KAZN: variants seen among roughly 807,000 people sequenced by gnomAD.
The protein encoded by KAZN is kazrin.
KAZN carries 40 observed loss-of-function variants against 87.4 expected under a neutral mutation model. The ratio of observed to expected loss-of-function variants is 0.46; its 90% CI spans 0.36 to 0.60. The LOEUF (loss-of-function observed/expected upper bound fraction) is 0.60, where lower values mean the gene tolerates loss of function less well. Ranked by LOEUF, KAZN falls within the 20% of genes least tolerant of loss-of-function variation. KAZN has a pLI of 0.00. For missense variants in KAZN, 898 were observed against 1,073.9 expected (o/e 0.84, Z 2.29); for synonymous variants, 466 against 458.3 (o/e 1.02, Z -0.22).
intron 1 of KAZN, among the ~76,000 whole-genome samples, chr1:14,167,353 G>A (rs1406334888): frequency 1.3e-5 from 2 of 152,202 alleles, no homozygotes; most frequent in Admixed American, 6.5e-5. Context: ...CACTGGAAGA[G>A]AGCACAAGCA....
At chr1:14,303,918 C>T (rs749671234) in intron 2 of KAZN, among the ~76,000 whole-genome samples, 40 of 152,250 alleles carry the variant, frequency 2.6e-4, no homozygotes, top group Non-Finnish European at 4.3e-4. Context: ...CTCTCCAGTG[C>T]GTCATTTATC....
chr1:14,795,250 C>T (rs984251735), intron 1 of KAZN, among the ~76,000 whole-genome samples: 1 of 152,118 alleles, frequency 6.6e-6, no homozygotes, highest in Non-Finnish European at 1.5e-5. Flanking sequence ...CTTTAGGACC[C>T]TGACTAATAC....
intron 1 of KAZN, among the ~76,000 whole-genome samples, chr1:14,765,409 A>C (rs1363840752): frequency 6.6e-6 from 1 of 152,058 alleles, no homozygotes; most frequent in Non-Finnish European, 1.5e-5. Flanking sequence ...GTGTTGTCTT[A>C]CTCTGGGGAA....
At chr1:14,149,527 G>C (rs1645429410) in intron 1 of KAZN, among the ~76,000 whole-genome samples, 1 of 152,106 alleles carries the variant, frequency 6.6e-6, no homozygotes, top group Non-Finnish European at 1.5e-5. Flanking sequence ...CTTGAGCTCA[G>C]TTCCTCCCAT....
chr1:14,454,992 C>G (rs79739029), intron 2 of KAZN, among the ~76,000 whole-genome samples: 2,190 of 152,240 alleles, frequency 0.014, 26 homozygotes, highest in African/African-American at 0.036. Flanking sequence ...AAGCAGGAAG[C>G]CTCCATTCCT....
At chr1:14,502,455 C>A (rs1161675818) in intron 2 of KAZN, among the ~76,000 whole-genome samples, 1 of 152,240 alleles carries the variant, frequency 6.6e-6, no homozygotes, top group East Asian at 1.9e-4. Context: ...TTCTCAATTT[C>A]TGGGTTTTTT....
chr1:14,286,256 G>A (rs1653246216), intron 2 of KAZN, among the ~76,000 whole-genome samples: 1 of 152,242 alleles, frequency 6.6e-6, no homozygotes, highest in Non-Finnish European at 1.5e-5. Context: ...CACTTCTTCT[G>A]TGTGTTTCTG....
chr1:14,475,049 T>C (rs1668644452), intron 2 of KAZN, among the ~76,000 whole-genome samples: 1 of 151,794 alleles, frequency 6.6e-6, no homozygotes, highest in South Asian at 2.1e-4. Context: ...AGATGGATAT[T>C]GGATGGATGG....
At chr1:14,988,435 C>T (rs578019920) in intron 2 of KAZN, among the ~76,000 whole-genome samples, 4 of 152,242 alleles carry the variant, frequency 2.6e-5, no homozygotes, top group Admixed American at 1.3e-4. Flanking sequence ...GAATGAGGGC[C>T]GCCTGGCAGC....
Position 14,205,884 on chromosome 1 carries a change from C to CAAAAAAAAAAAAAAAAAAAA in KAZN, c.249+25295_249+25314dup, listed in dbSNP as rs70997121. Among the ~76,000 whole-genome samples, 40 of 35,210 alleles carry CAAAAAAAAAAAAAAAAAAAA rather than the reference C, an allele frequency of 1.1e-3. 12 individuals are homozygous for CAAAAAAAAAAAAAAAAAAAA. Among genetic ancestry groups the CAAAAAAAAAAAAAAAAAAAA allele is most frequent in the African/African-American group, 2.2e-3 (16 of 7,220 alleles). 23.1% of individuals were successfully genotyped at this position (35,210 alleles called of 152,430 possible). A position where few individuals can be genotyped will look rare whatever the true frequency, so the allele number is the denominator to read the frequency against. On this transcript the variant is annotated intron_variant, in intron 2 of 16. Transcript: ENST00000636203. The stretch of plus-strand genomic sequence containing the variant: ...CAGGCGACAGAGCAAGACACTGTCT[C>CAAAAAAAAAAAAAAAAAAAA]AAAAAAAAAAAAAAAAAAAAAAGCT...
At position 14,450,291 on chromosome 1, in the gene KAZN, T is replaced by C. The variant is rs1667200501; in HGVS notation, c.250-148692T>C. Among the ~76,000 whole-genome samples the C allele has an allele frequency of 1.3e-5, 2 of 152,156 alleles. 1 individual carries two copies. The highest frequency in any genetic ancestry group is 2.9e-5 in the Non-Finnish European group (2 of 68,028). On this transcript the variant is annotated intron_variant, in intron 2 of 16. Transcript: ENST00000636203. Reference sequence around the variant, plus strand: ...ATAAGCTAGCACAGGGCACCTGATATAAACAGAGCTGCTGTGTCTGGGCGC... The same window carrying C: ...ATAAGCTAGCACAGGGCACCTGATACAAACAGAGCTGCTGTGTCTGGGCGC...
intron 2 of KAZN, among the ~76,000 whole-genome samples, chr1:14,445,868 A>C (rs796441475): frequency 6.6e-6 from 1 of 152,024 alleles, no homozygotes; most frequent in East Asian, 1.9e-4. Flanking sequence ...GCAGGGAGAA[A>C]ACCCTTACGC....
intron 1 of KAZN, among the ~76,000 whole-genome samples, chr1:14,857,224 A>C (rs1341160673): frequency 6.6e-6 from 1 of 152,164 alleles, no homozygotes; most frequent in Admixed American, 6.5e-5. Flanking sequence ...AAATTAGTGT[A>C]TGTCAAGCAC....
intron 2 of KAZN, among the ~76,000 whole-genome samples, chr1:14,459,745 C>T (rs1667760865): frequency 6.6e-6 from 1 of 152,100 alleles, no homozygotes; most frequent in African/African-American, 2.4e-5. Flanking sequence ...CAAACAAGGG[C>T]CCTTGTCTAT....
chr1:15,114,160 C>T (rs1179932649), intron 14 of KAZN: 3 of 266,748 alleles, frequency 1.1e-5, no homozygotes, highest in African/African-American at 2.2e-5. Flanking sequence ...CAACTCTCCA[C>T]CCACCAAGGA....
intron 2 of KAZN, among the ~76,000 whole-genome samples, chr1:14,375,946 T>G (rs1660878408): frequency 6.6e-6 from 1 of 152,018 alleles, no homozygotes; most frequent in African/African-American, 2.4e-5. Flanking sequence ...ATGTGTACAA[T>G]ACCCTCAACA....
chr1:14,451,896 G>A lies in KAZN; in HGVS notation c.250-147087G>A, dbSNP rs186955929. ...GCCTTTTTGTTCTGTTCAGGCACTT[G>A]GCAGATTGGACGCTGTTTTGGGATG... On this transcript the variant is annotated intron_variant, in intron 2 of 16. Transcript: ENST00000636203. Among the ~76,000 whole-genome samples the A allele has an allele frequency of 3.9e-5, 6 of 152,236 alleles. No individual in the cohort carries two copies. In the East Asian group the frequency reaches 1.2e-3, roughly 30 times the overall value.
At chr1:14,553,730 G>C (rs1673690951) in intron 2 of KAZN, among the ~76,000 whole-genome samples, 1 of 152,068 alleles carries the variant, frequency 6.6e-6, no homozygotes, top group Non-Finnish European at 1.5e-5. Flanking sequence ...TGGAACGATG[G>C]GGCTTAAATC....
intron 1 of KAZN, among the ~76,000 whole-genome samples, chr1:14,154,950 T>TCTTCCTTCCTTCCTTCCTTCC (rs1645557123): frequency 1.5e-5 from 1 of 68,082 alleles, no homozygotes; most frequent in Admixed American, 1.6e-4. Context: ...GGCTTGTAGT[T>TCTTCCTTCCTTCCTTCCTTCC]TTTCTTCCTT....
Sources: gnomAD v4.1 joint callset for allele counts (sites outside exome capture counted in the v4.1 genomes callset) on GRCh38, gnomAD v4.1.1 for gene constraint, MANE v1.5 for transcripts, NCBI Gene and HGNC (gene_info 2026-07-23, HGNC 2026-07-21) for gene names.